SLC34A1: variants seen among roughly 807,000 people sequenced by gnomAD.
SLC34A1 encodes solute carrier family 34 member 1.
Under a neutral mutation model 51.4 loss-of-function variants are expected in SLC34A1, and 57 were observed. That is an observed-to-expected ratio of 1.11 (90% CI 0.90 to 1.38). The LOEUF is 1.38. SLC34A1 is among the 40% of genes most tolerant of loss of function. The pLI, the probability that SLC34A1 is intolerant of heterozygous loss-of-function variation, is 0.00. For synonymous variants in SLC34A1, 368 were observed against 358.0 expected (o/e 1.03, Z -0.32); for missense variants, 796 against 835.6 (o/e 0.95, Z 0.58).
Position 177,396,801 on chromosome 5 carries a change from G to T in SLC34A1, c.1243G>T (p.Val415Leu), listed in dbSNP as rs765774780. ...AMVVGASMTF[V>L]VQSSSVFTSA... ...GGTGGTGGGCGCCAGCATGACCTTC[G>T]TGGTCCAGAGCAGTTCTGTGTTCAC... The change falls in exon 11 of 13, where the codon GTG becomes TTG. Residue 415 changes from valine to leucine, a missense_variant. Physicochemically the swap from Val to Leu is conservative, Grantham distance 32 (BLOSUM62 1). Transcript: ENST00000324417. The surrounding 1 kb of genome is among the most constrained non-coding windows in gnomAD (Gnocchi z 4.0). The T allele has an allele frequency of 2.5e-5, 41 of 1,614,080 alleles. 2 individuals carry two copies. In the South Asian group the frequency reaches 4.2e-4, roughly 16 times the overall value.
Position 177,388,207 on chromosome 5 carries a change from C to T in SLC34A1, c.840+18C>T, listed in dbSNP as rs766921055. On this transcript the variant is annotated intron_variant, in intron 7 of 12. Coordinates refer to ENST00000324417, the MANE Select transcript of SLC34A1 (RefSeq NM_003052.5). The surrounding 1 kb of genome is among the most constrained non-coding windows in gnomAD (Gnocchi z 4.3). Reference sequence around the variant, plus strand: ...TCATCCAGGTGACAGCAGGGCCTGGCATGGGGTGAGGGTGGGGGTAACAAG... The same window carrying T: ...TCATCCAGGTGACAGCAGGGCCTGGTATGGGGTGAGGGTGGGGGTAACAAG... 4.3e-6 allele frequency: 7 copies of T among 1,613,842 alleles called. No individual in the cohort carries two copies. In the Middle Eastern group the frequency reaches 6.6e-4, roughly 152 times the overall value.
intron 1 of SLC34A1, 125 bp from the exon 2 acceptor site, chr5:177,385,569 GT>G: frequency 3.0e-6 from 2 of 667,018 alleles, no homozygotes; most frequent in Non-Finnish European, 5.5e-6. Flanking sequence ...TCGGAGGGGT[GT>G]GTGTGTGTGG....
At position 177,386,350 on chromosome 5, in the gene SLC34A1, G is replaced by A. The variant is rs766419068; in HGVS notation, c.388+1G>A. On this transcript the variant is annotated splice_donor_variant, in intron 4 of 12. Transcript: ENST00000324417. LOFTEE classifies it high-confidence loss of function. This position sits in a 1 kb window ranked among gnomAD's most constrained non-coding sequence, Gnocchi z 4.8. ...AGCTCGGCCTTCCAGCTGGCTGGAG[G>A]TAGGGCCCGGGTGGAGGAGACCTGG... 2.5e-6 allele frequency: 4 copies of A among 1,614,144 alleles called. No individual in the cohort carries two copies. Among genetic ancestry groups the A allele is most frequent in the Admixed American group, 1.7e-5 (1 of 60,016 alleles).
At position 177,396,269 on chromosome 5, in the gene SLC34A1, A is replaced by G. The variant is rs750344191; in HGVS notation, c.1175-464A>G. ...GAGGATGAATATTCAGATGCTGAGT[A>G]GGATATTCCCAGCAGAGGGAACAGC... On this transcript the variant is annotated intron_variant, in intron 10 of 12. Coordinates refer to ENST00000324417, the MANE Select transcript of SLC34A1 (RefSeq NM_003052.5). This position sits in a 1 kb window ranked among gnomAD's most constrained non-coding sequence, Gnocchi z 4.0. 2.6e-5 allele frequency among the ~76,000 whole-genome samples: 4 copies of G among 152,212 alleles called. No homozygotes were observed. Among genetic ancestry groups the G allele is most frequent in the Non-Finnish European group, 5.9e-5 (4 of 68,018 alleles).
chr5:177,389,458 G>A (rs1762723839), intron 8 of SLC34A1, among the ~76,000 whole-genome samples: 1 of 151,756 alleles, frequency 6.6e-6, no homozygotes, highest in South Asian at 2.1e-4. Flanking sequence ...ATGCTCCTTT[G>A]CATCTGAAGT....
intron 6 of SLC34A1, 40 bp from the exon 7 acceptor site, chr5:177,387,954 C>G (rs528391241): frequency 6.2e-7 from 1 of 1,610,926 alleles, no homozygotes; most frequent in Non-Finnish European, 8.5e-7. Flanking sequence ...TGACTGTGCA[C>G]TGGCTCGAGC....
In SLC34A1 at chr5:177,396,479, C is replaced by CTCTGACCCCAGCCTGCT. The variant is rs1762963787; in HGVS notation, c.1175-254_1175-253insTCTGACCCCAGCCTGCT. Among the ~76,000 whole-genome samples, 1 of 137,680 alleles carries CTCTGACCCCAGCCTGCT rather than the reference C, an allele frequency of 7.3e-6. No individual in the cohort carries two copies. The highest frequency in any genetic ancestry group is 1.6e-5 in the Non-Finnish European group (1 of 61,616). 90.3% of individuals were successfully genotyped at this position (137,680 alleles called of 152,430 possible). A position where few individuals can be genotyped will look rare whatever the true frequency, so the allele number is the denominator to read the frequency against. On this transcript the variant is annotated intron_variant, in intron 10 of 12. Coordinates refer to ENST00000324417, the MANE Select transcript of SLC34A1 (RefSeq NM_003052.5). The surrounding 1 kb of genome is among the most constrained non-coding windows in gnomAD (Gnocchi z 4.0). ...GAGGTCCGCTCTCCCAGTGCCCCCG[C>CTCTGACCCCAGCCTGCT]GGAGGTCCTCTCTCCCAGTGCCCCC...
In SLC34A1 at chr5:177,396,424, GCGGAGA is replaced by G; in HGVS notation, c.1175-308_1175-303del. Reference sequence around the variant, plus strand: ...GGAGGTCGTCTCTCCCAGTGCCCCCGCGGAGATCCGCTCTCCCAGTGCCCCCGCGGA... The same window carrying G: ...GGAGGTCGTCTCTCCCAGTGCCCCCGTCCGCTCTCCCAGTGCCCCCGCGGA... On this transcript the variant is annotated intron_variant, in intron 10 of 12. Transcript: ENST00000324417. The surrounding 1 kb of genome is among the most constrained non-coding windows in gnomAD (Gnocchi z 4.0). Among the ~76,000 whole-genome samples the G allele has an allele frequency of 6.6e-6, 1 of 151,300 alleles. No individual in the cohort carries two copies. Among genetic ancestry groups the G allele is most frequent in the Non-Finnish European group, 1.5e-5 (1 of 67,840 alleles).
At chr5:177,384,984 C>G (rs922364035) in intron 1 of SLC34A1, among the ~76,000 whole-genome samples, 1 of 152,194 alleles carries the variant, frequency 6.6e-6, no homozygotes, top group African/African-American at 2.4e-5. Context: ...GGGCACTCCA[C>G]CCCAATAGCC....
Position 177,397,815 on chromosome 5 carries a change from G to A in SLC34A1, c.1449G>A (p.Ser483=), listed in dbSNP as rs561557630. The A allele has an allele frequency of 1.6e-4, 256 of 1,612,540 alleles. No homozygotes were observed. Among genetic ancestry groups the A allele is most frequent in the Non-Finnish European group, 2.0e-4 (239 of 1,179,988 alleles). Residue 483 remains serine, a synonymous_variant, in exon 13 of 13, where the codon TCG becomes TCA. Coordinates refer to ENST00000324417, the MANE Select transcript of SLC34A1 (RefSeq NM_003052.5). ...IALCHFFFNI[S]GILLWYPVPC... Reference sequence around the variant, plus strand: ...TCTGTCACTTCTTCTTCAACATCTCGGGTATCCTTCTGTGGTACCCGGTGC... The same window carrying A: ...TCTGTCACTTCTTCTTCAACATCTCAGGTATCCTTCTGTGGTACCCGGTGC...
chr5:177,389,324 A>C (rs1251600249), intron 8 of SLC34A1, among the ~76,000 whole-genome samples: 1 of 150,772 alleles, frequency 6.6e-6, no homozygotes, highest in Non-Finnish European at 1.5e-5. Context: ...TCCAAGCCAC[A>C]GCACAGCACA....
intron 8 of SLC34A1, chr5:177,389,915 G>A (rs933564987): frequency 1.5e-5 from 22 of 1,427,836 alleles, no homozygotes; most frequent in East Asian, 2.5e-5. Flanking sequence ...TTCCTTAAAC[G>A]CTTTCTGCAG....
At position 177,389,519 on chromosome 5, in the gene SLC34A1, C is replaced by A. The variant is rs546870354; in HGVS notation, c.936+1147C>A. The A allele has an allele frequency of 2.3e-4, 291 of 1,264,952 alleles. No homozygotes were observed. The East Asian group carries it at 5.7e-3, about 25-fold the overall frequency. 78.4% of individuals were successfully genotyped at this position (1,264,952 alleles called of 1,614,324 possible). On this transcript the variant is annotated intron_variant, in intron 8 of 12. Coordinates refer to ENST00000324417, the MANE Select transcript of SLC34A1 (RefSeq NM_003052.5). The stretch of plus-strand genomic sequence containing the variant: ...CAAAGCAGCCTTACATAAAAAAAAA[C>A]CCCTGCGGGCAGCTTTTACGCTGAC...
chr5:177,398,243 C>T lies in SLC34A1; in HGVS notation c.1877C>T (p.Pro626Leu). Residue 626 changes from proline to leucine, a missense_variant, in exon 13 of 13, where the codon CCC (proline) becomes CTC (leucine). Coordinates refer to ENST00000324417, the MANE Select transcript of SLC34A1 (RefSeq NM_003052.5). This position sits in a 1 kb window ranked among gnomAD's most constrained non-coding sequence, Gnocchi z 4.7. Reference protein sequence around the residue: ...LEELPPATPSPRLALPAHHNA... With the variant: ...LEELPPATPSLRLALPAHHNA... ...GAGCTACCCCCTGCCACACCCTCCC[C>T]CCGTCTTGCACTGCCTGCTCACCAC... is the stretch of plus-strand genomic sequence containing the variant. 6.2e-7 allele frequency: 1 copy of T among 1,600,136 alleles called. No homozygotes were observed. The highest frequency in any genetic ancestry group is 1.3e-5 in the African/African-American group (1 of 75,044).
rs769409705 is a variant in SLC34A1, at chr5:177,386,492, G to T, written c.458G>T (p.Gly153Val). The T allele has an allele frequency of 9.9e-6, 16 of 1,614,070 alleles. No individual in the cohort carries two copies. Among genetic ancestry groups the T allele is most frequent in the Middle Eastern group, 1.6e-4 (1 of 6,084 alleles). The change falls in exon 5 of 13, where the codon GGG becomes GTG. Residue 153 changes from glycine (G) to valine (V), a missense_variant. By Grantham distance (109) the Gly-to-Val change is moderately radical. Transcript: ENST00000324417. This position sits in a 1 kb window ranked among gnomAD's most constrained non-coding sequence, Gnocchi z 4.8. ...LSNPVAGLVV[G>V]ILVTVLVQSS... ...AACCCGGTGGCCGGGCTGGTGGTGGGGATCCTGGTGACCGTGCTGGTGCAG... is the reference window on the plus strand; with the variant it reads ...AACCCGGTGGCCGGGCTGGTGGTGGTGATCCTGGTGACCGTGCTGGTGCAG...
At position 177,398,717 on chromosome 5, in the gene SLC34A1, C is replaced by T. The variant is rs139531166; in HGVS notation, c.*431C>T. The T allele has an allele frequency of 6.2e-5, 13 of 209,220 alleles. No individual in the cohort carries two copies. In the East Asian group the frequency reaches 1.7e-3, roughly 27 times the overall value. The allele number at this position is 209,220 out of a possible 1,614,324, so 13.0% of individuals were successfully genotyped here. Reference sequence around the variant, plus strand: ...CTGCGTTACTGAATTTGCACACCTCCTTGCCACCTTCCTTCCTCCAAGATA... The same window carrying T: ...CTGCGTTACTGAATTTGCACACCTCTTTGCCACCTTCCTTCCTCCAAGATA... On this transcript the variant is annotated 3_prime_UTR_variant, in exon 13 of 13. Transcript: ENST00000324417. This position sits in a 1 kb window ranked among gnomAD's most constrained non-coding sequence, Gnocchi z 4.7.
rs773052828 is a variant in SLC34A1 at position 177,388,059 on chromosome 5, T to C, written c.710T>C (p.Leu237Pro). ...CTGTCAGTGCTGGTCCTGCTGCCCC[T>C]GGAGGCTGCCACTGGCTACCTGCAC... Reference protein sequence around the residue: ...NWLSVLVLLPLEAATGYLHHI... With the variant: ...NWLSVLVLLPPEAATGYLHHI... Residue 237 changes from leucine (L) to proline (P), a missense_variant, in exon 7 of 13, where the codon CTG becomes CCG. Leu to Pro is a moderately conservative substitution (Grantham distance 98, BLOSUM62 -3). Coordinates refer to ENST00000324417, the MANE Select transcript of SLC34A1 (RefSeq NM_003052.5). The surrounding 1 kb of genome is among the most constrained non-coding windows in gnomAD (Gnocchi z 4.3). The C allele has an allele frequency of 6.2e-7, 1 of 1,614,092 alleles. No homozygotes were observed. The highest frequency in any genetic ancestry group is 8.5e-7 in the Non-Finnish European group (1 of 1,179,996).
Position 177,396,157 on chromosome 5 carries a change from G to A in SLC34A1, c.1175-576G>A, listed in dbSNP as rs1762946902. On this transcript the variant is annotated intron_variant, in intron 10 of 12. Transcript: ENST00000324417. The surrounding 1 kb of genome is among the most constrained non-coding windows in gnomAD (Gnocchi z 4.0). ...AGAATAAGGGGTATCATGGGGCTGT[G>A]GGAGCTCAGAGAAGGGAGAAAAAGT... Among the ~76,000 whole-genome samples, 1 of 152,178 alleles carries A rather than the reference G, an allele frequency of 6.6e-6. No individual in the cohort carries two copies. The highest frequency in any genetic ancestry group is 2.1e-4 in the South Asian group (1 of 4,828).
Position 177,394,035 on chromosome 5 carries a change from C to T in SLC34A1, c.1014C>T (p.His338=). ...GAGCTCCACCCCCTGCAGGCAACCA[C>T]ATCTTTGTGGACACTGGCCTACCGG... is the stretch of plus-strand genomic sequence containing the variant. ...LGNATMEKCN[H]IFVDTGLPDL... The change falls in exon 10 of 13, where the codon CAC becomes CAT. Residue 338 remains histidine (H), a synonymous_variant. Coordinates refer to ENST00000324417, the MANE Select transcript of SLC34A1 (RefSeq NM_003052.5). The T allele has an allele frequency of 6.2e-7, 1 of 1,614,052 alleles. No individual in the cohort carries two copies. Among genetic ancestry groups the T allele is most frequent in the Non-Finnish European group, 8.5e-7 (1 of 1,180,038 alleles).
Sources: allele counts gnomAD v4.1 joint callset (sites outside exome capture counted in the v4.1 genomes callset), GRCh38; gene constraint gnomAD v4.1.1; non-coding constraint Gnocchi (gnomAD v3.1); transcripts MANE v1.5; gene names NCBI Gene and HGNC (gene_info 2026-07-23, HGNC 2026-07-21).